Variants in ARAP2 observed in about 807,000 individuals in gnomAD.
The protein encoded by ARAP2 is ArfGAP with RhoGAP domain, ankyrin repeat and PH domain 2.
A neutral mutation model predicts 194.5 loss-of-function variants in ARAP2; 148 were observed. That is an observed-to-expected ratio of 0.76 (90% CI 0.67 to 0.87). ARAP2 has a LOEUF of 0.87. Ranked by LOEUF, ARAP2 falls within the 40% of genes least tolerant of loss-of-function variation. ARAP2 has a pLI of 0.00. For missense variants in ARAP2, 2,128 were observed against 1,989.7 expected, an observed-to-expected ratio of 1.07 and a Z score of -1.32; for synonymous variants, 695 against 683.5, an observed-to-expected ratio of 1.02 and a Z score of -0.26.
chr4:36,048,146 G>A (rs946214629), intron 3 of ARAP2, among the ~76,000 whole-genome samples: 2 of 152,130 alleles, frequency 1.3e-5, no homozygotes, highest in Non-Finnish European at 2.9e-5. Flanking sequence ...CATATACCCA[G>A]TAAAAGATTA....
intron 5 of ARAP2, among the ~76,000 whole-genome samples, chr4:36,211,294 T>C (rs954436406): frequency 4.6e-5 from 7 of 152,158 alleles, no homozygotes; most frequent in Admixed American, 3.3e-4. Context: ...TGCAGCACAC[T>C]GCTAGCTAGA....
intron 13 of ARAP2, chr4:36,160,174 C>T (rs1733589332): frequency 9.4e-7 from 1 of 1,061,106 alleles, no homozygotes; most frequent in Non-Finnish European, 1.1e-6. Flanking sequence ...TTATATCAGT[C>T]CTCAGACTTC....
chr4:36,154,776 G>A (rs1731842183), intron 15 of ARAP2, among the ~76,000 whole-genome samples: 1 of 152,102 alleles, frequency 6.6e-6, no homozygotes, highest in African/African-American at 2.4e-5. Context: ...TAATCATTTT[G>A]CTCTATGGCT....
chr4:36,098,195 AGAAACATACACCCAG>A (rs1715845608), intron 27 of ARAP2, among the ~76,000 whole-genome samples: 1 of 152,078 alleles, frequency 6.6e-6, no homozygotes, highest in Admixed American at 6.6e-5. Flanking sequence ...AAGAGGAGAG[AGAAACATACACCCAG>A]GAATGGCATT....
intron 2 of ARAP2, among the ~76,000 whole-genome samples, chr4:36,054,340 C>T (rs1214745430): frequency 6.6e-6 from 1 of 152,090 alleles, no homozygotes; most frequent in Non-Finnish European, 1.5e-5. Context: ...ATCTATTGCT[C>T]AATTATTCTA....
chr4:36,233,930 G>C (rs1418864944), intron 1 of ARAP2, among the ~76,000 whole-genome samples: 1 of 152,212 alleles, frequency 6.6e-6, no homozygotes, highest in Non-Finnish European at 1.5e-5. Flanking sequence ...ACTTCTTAGA[G>C]TGTTGTCCTA....
rs1725688199 is a variant in ARAP2, at chr4:36,067,264, C to G, written c.*643G>C. 1 of 152,624 alleles carries G rather than the reference C, an allele frequency of 6.6e-6. No homozygotes were observed. The highest frequency in any genetic ancestry group is 2.1e-4 in the South Asian group (1 of 4,828). The allele number at this position is 152,624 out of a possible 1,614,324, so 9.5% of individuals were successfully genotyped here. On this transcript the variant is annotated 3_prime_UTR_variant, in exon 33 of 33. Transcript: ENST00000303965. ...GAATATTACTCTTGAGAAATAAACACTGGACTTTTTCTTAACAAGTGGTTT... is the reference window on the plus strand; with the variant it reads ...GAATATTACTCTTGAGAAATAAACAGTGGACTTTTTCTTAACAAGTGGTTT...
chr4:36,055,260 T>TA (rs957412986), intron 2 of ARAP2, among the ~76,000 whole-genome samples: 4 of 152,216 alleles, frequency 2.6e-5, no homozygotes, highest in African/African-American at 7.2e-5. Context: ...AATATGGTTA[T>TA]AAAATCTTGG....
chr4:36,212,929 G>T (rs956222003), intron 4 of ARAP2, among the ~76,000 whole-genome samples: 1 of 151,952 alleles, frequency 6.6e-6, no homozygotes, highest in Non-Finnish European at 1.5e-5. Context: ...TTGGCTACAA[G>T]GCAAAGCAAA....
chr4:36,148,917 C>G (rs1173416007), intron 16 of ARAP2, among the ~76,000 whole-genome samples: 2 of 152,136 alleles, frequency 1.3e-5, no homozygotes, highest in Non-Finnish European at 2.9e-5. Flanking sequence ...CCCAGTCACA[C>G]AGCAGGTTCC....
At chr4:36,054,906 A>G (rs1723245793) in intron 2 of ARAP2, among the ~76,000 whole-genome samples, 1 of 152,176 alleles carries the variant, frequency 6.6e-6, no homozygotes, top group East Asian at 1.9e-4. Flanking sequence ...ACATTTTATA[A>G]TGATTGGTGA....
At chr4:36,098,174 G>A (rs1314894747) in intron 27 of ARAP2, among the ~76,000 whole-genome samples, 1 of 151,984 alleles carries the variant, frequency 6.6e-6, no homozygotes, top group Non-Finnish European at 1.5e-5. Flanking sequence ...GAGGAGGCTG[G>A]GGTTGAGGGG....
chr4:36,161,871 G>T (rs910499097), intron 11 of ARAP2, among the ~76,000 whole-genome samples: 1 of 151,408 alleles, frequency 6.6e-6, no homozygotes, highest in Non-Finnish European at 1.5e-5. Flanking sequence ...CACTTTGGAA[G>T]GCCGAGGCGG....
intron 20 of ARAP2, among the ~76,000 whole-genome samples, chr4:36,132,089 T>C (rs1031027980): frequency 1.3e-5 from 2 of 151,742 alleles, no homozygotes; most frequent in African/African-American, 2.4e-5. Flanking sequence ...TATGCCTAAG[T>C]TTAATTTCTG....
intron 1 of ARAP2, among the ~76,000 whole-genome samples, chr4:36,235,811 G>A (rs896432247): frequency 6.6e-6 from 1 of 152,182 alleles, no homozygotes; most frequent in African/African-American, 2.4e-5. Flanking sequence ...AATCAGGAGT[G>A]AGTGTGAGGG....
intron 2 of ARAP2, among the ~76,000 whole-genome samples, chr4:36,216,518 AAAAT>A (rs774385245): frequency 5.3e-5 from 8 of 152,228 alleles, no homozygotes; most frequent in African/African-American, 7.2e-5. Context: ...TTTTCTTATA[AAAAT>A]AAATAGTCAC....
chr4:36,054,961 A>G (rs141110967), intron 2 of ARAP2, among the ~76,000 whole-genome samples: 2 of 152,312 alleles, frequency 1.3e-5, no homozygotes, highest in African/African-American at 2.4e-5. Context: ...TGCAGTAGTA[A>G]TTTAAAATGT....
chr4:36,138,990 A>AT (rs2109651943), intron 19 of ARAP2, among the ~76,000 whole-genome samples: 1 of 151,196 alleles, frequency 6.6e-6, no homozygotes, highest in East Asian at 2.0e-4. Context: ...TCTATTCATC[A>AT]TTTTTTGCTA....
intron 9 of ARAP2, among the ~76,000 whole-genome samples, chr4:36,176,765 G>A (rs1738017394): frequency 6.6e-6 from 1 of 152,084 alleles, no homozygotes; most frequent in Non-Finnish European, 1.5e-5. Context: ...AATTGGCTAA[G>A]ACATCTTCTC....
Sources: gnomAD v4.1 joint callset for allele counts (sites outside exome capture counted in the v4.1 genomes callset) on GRCh38, gnomAD v4.1.1 for gene constraint, MANE v1.5 for transcripts, NCBI Gene and HGNC (gene_info 2026-07-23, HGNC 2026-07-21) for gene names.